Variants in RREB1 observed in about 807,000 individuals in gnomAD.
RREB1 encodes the protein ras responsive element binding protein 1.
A neutral mutation model predicts 117.8 loss-of-function variants in RREB1; 27 were observed. That is an observed-to-expected ratio of 0.23 (90% confidence interval 0.17 to 0.32). RREB1 has a LOEUF of 0.32. Among genes scored for constraint, RREB1 ranks in the 10% least tolerant of loss-of-function variants. The probability of loss-of-function intolerance (pLI) is 1.00; values close to 1 mark genes in which losing one functional copy is unlikely to be tolerated. For synonymous variants in RREB1, 1,298 were observed against 1,026.7 expected (o/e 1.26, Z -5.05); for missense variants, 2,577 against 2,378.2 (o/e 1.08, Z -1.74).
chr6:7,149,543 C>G (rs1324858169), intron 1 of RREB1, among the ~76,000 whole-genome samples: 2 of 152,136 alleles, frequency 1.3e-5, no homozygotes, highest in East Asian at 1.9e-4. Flanking sequence ...TTCATTTTAC[C>G]CAGTGTTCTT....
intron 11 of RREB1, among the ~76,000 whole-genome samples, chr6:7,241,900 C>T (rs1200774892): frequency 6.6e-6 from 1 of 152,242 alleles, no homozygotes; most frequent in Non-Finnish European, 1.5e-5. Flanking sequence ...CCCACGGAAT[C>T]TTAGCCTAAC....
chr6:7,244,363 A>G (rs1232533132), intron 11 of RREB1, among the ~76,000 whole-genome samples: 1 of 152,036 alleles, frequency 6.6e-6, no homozygotes, highest in Non-Finnish European at 1.5e-5. Flanking sequence ...CCTTGAGCCC[A>G]GGAGTTCGAG....
intron 1 of RREB1, among the ~76,000 whole-genome samples, chr6:7,138,754 T>C (rs949245871): frequency 1.3e-5 from 2 of 152,220 alleles, no homozygotes; most frequent in African/African-American, 4.8e-5. Flanking sequence ...AAAAGTGACA[T>C]GAATATGATT....
intron 1 of RREB1, among the ~76,000 whole-genome samples, chr6:7,111,357 C>T (rs1561720451): frequency 6.6e-6 from 1 of 152,162 alleles, no homozygotes; most frequent in African/African-American, 2.4e-5. Flanking sequence ...TTTTAAAATG[C>T]TACCCTTTTA....
intron 1 of RREB1, among the ~76,000 whole-genome samples, chr6:7,169,076 G>T (rs1764092888): frequency 6.6e-6 from 1 of 151,374 alleles, no homozygotes; most frequent in African/African-American, 2.4e-5. Flanking sequence ...AGTATACTCT[G>T]ACTTGAATCC....
intron 10 of RREB1, among the ~76,000 whole-genome samples, chr6:7,237,582 TGC>T (rs1164914300): frequency 6.6e-6 from 1 of 152,158 alleles, no homozygotes; most frequent in Non-Finnish European, 1.5e-5. Flanking sequence ...AGGTCCTGAG[TGC>T]GCAGGTAACT....
intron 1 of RREB1, among the ~76,000 whole-genome samples, chr6:7,125,262 A>T (rs887155931): frequency 6.6e-6 from 1 of 152,202 alleles, no homozygotes; most frequent in African/African-American, 2.4e-5. Context: ...TCAGGGAAAG[A>T]CCTGGTGGAG....
chr6:7,240,638 G>GGAGAGA (rs754297537), intron 11 of RREB1, 36 bp downstream of exon 11: 1 of 1,584,526 alleles, frequency 6.3e-7, no homozygotes, highest in Admixed American at 1.7e-5. Context: ...CCAGGAAGAG[G>GGAGAGA]GAGAGAGAGG....
At chr6:7,211,855 G>A (rs1416595698) in intron 8 of RREB1, 146 bp downstream of exon 8, 4 of 839,514 alleles carry the variant, frequency 4.8e-6, no homozygotes, top group Non-Finnish European at 7.4e-6. Context: ...AAGTATCGGT[G>A]TGGGGAAAAA....
chr6:7,243,821 T>C (rs1031946297), intron 11 of RREB1, among the ~76,000 whole-genome samples: 5 of 152,212 alleles, frequency 3.3e-5, no homozygotes, highest in African/African-American at 1.2e-4. Flanking sequence ...TTTCAAAATT[T>C]ATTTTACTTT....
At chr6:7,191,302 GTTC>G (rs1298042113) in intron 6 of RREB1, among the ~76,000 whole-genome samples, 7 of 151,842 alleles carry the variant, frequency 4.6e-5, no homozygotes, top group Admixed American at 2.0e-4. Context: ...TGGGCTTCAG[GTTC>G]TTTTTTATTG....
Position 7,115,641 on chromosome 6 carries a change from G to C in RREB1, c.-285+7581G>C, listed in dbSNP as rs182747733. On this transcript the variant is annotated intron_variant, in intron 1 of 12. Transcript: ENST00000379938. ...CCTTTGCAGTCCCATACGTGGTAAC[G>C]AGTCCTGTTCCTGCAGAACGCACTC... Among the ~76,000 whole-genome samples the C allele has an allele frequency of 2.0e-5, 3 of 152,214 alleles. No homozygotes were observed. The East Asian group carries it at 5.8e-4, about 29-fold the overall frequency.
At chr6:7,109,156 C>T (rs1185699738) in intron 1 of RREB1, among the ~76,000 whole-genome samples, 2 of 151,954 alleles carry the variant, frequency 1.3e-5, no homozygotes, top group Non-Finnish European at 2.9e-5. Flanking sequence ...GTCCGCCGCC[C>T]GCTGGACCAG....
chr6:7,137,631 A>C (rs1020511734), intron 1 of RREB1, among the ~76,000 whole-genome samples: 1 of 152,166 alleles, frequency 6.6e-6, no homozygotes, highest in Non-Finnish European at 1.5e-5. Flanking sequence ...AACTACTCCA[A>C]ACTTTTGTTT....
At chr6:7,124,858 G>T (rs921340412) in intron 1 of RREB1, among the ~76,000 whole-genome samples, 8 of 152,186 alleles carry the variant, frequency 5.3e-5, no homozygotes, top group African/African-American at 1.9e-4. Flanking sequence ...ACCCAGAGAA[G>T]CAGCTAGCTA....
intron 1 of RREB1, among the ~76,000 whole-genome samples, chr6:7,122,219 G>A (rs1423971522): frequency 3.3e-5 from 5 of 152,168 alleles, no homozygotes; most frequent in Non-Finnish European, 7.3e-5. Flanking sequence ...TGGGCCCCAG[G>A]TAGTATACTG....
At chr6:7,115,300 T>A (rs1285874) in intron 1 of RREB1, among the ~76,000 whole-genome samples, 98,635 of 150,822 alleles carry the variant, frequency 0.65, 34,358 homozygotes, top group Non-Finnish European at 0.78. Context: ...TAATATAGTG[T>A]CAGGAGTGAT....
At chr6:7,179,688 T>C (rs1764689426) in intron 2 of RREB1, among the ~76,000 whole-genome samples, 1 of 151,160 alleles carries the variant, frequency 6.6e-6, no homozygotes, top group South Asian at 2.1e-4. Context: ...GAAAAAATTG[T>C]GTGTACACAC....
chr6:7,189,784 A>G (rs1295617315), intron 6 of RREB1, among the ~76,000 whole-genome samples: 2 of 152,244 alleles, frequency 1.3e-5, no homozygotes, highest in Non-Finnish European at 2.9e-5. Flanking sequence ...CTTCAGGATA[A>G]GATAGGATAA....
Sources: gnomAD v4.1 joint callset for allele counts (sites outside exome capture counted in the v4.1 genomes callset) on GRCh38, gnomAD v4.1.1 for gene constraint, MANE v1.5 for transcripts, NCBI Gene and HGNC (gene_info 2026-07-23, HGNC 2026-07-21) for gene names.